The following DCHS1 variants were observed in gnomAD, a reference collection of about 807,000 sequenced individuals.
DCHS1 encodes the protein protocadherin-16.
A neutral mutation model predicts 213.9 loss-of-function variants in DCHS1; 78 were observed. That is an observed-to-expected ratio of 0.36 (90% confidence interval 0.30 to 0.44). The LOEUF is 0.44. Among genes scored for constraint, DCHS1 ranks in the 20% least tolerant of loss-of-function variants. The pLI is 1.00. For synonymous variants in DCHS1, 1,828 were observed against 1,873.7 expected, an observed-to-expected ratio of 0.98 and a Z score of 0.63; for missense variants, 3,946 against 4,395.9, an observed-to-expected ratio of 0.90 and a Z score of 2.89.
rs1484524126 is a variant in DCHS1 at position 6,633,965 on chromosome 11, T to C, written c.2042A>G (p.Asn681Ser). Reference sequence around the variant, plus strand: ...CTCCCGTGGATAAAACTGAGGAGGGTTGTCATTCTCGTCTGACAGAAACAC... The same window carrying C: ...CTCCCGTGGATAAAACTGAGGAGGGCTGTCATTCTCGTCTGACAGAAACAC... ...VKVFLSDEND[N>S]PPQFYPREYA... The change falls in exon 4 of 21, where the codon AAC (asparagine) becomes AGC (serine). Residue 681 changes from asparagine (N) to serine (S), a missense_variant. By Grantham distance (46) the Asn-to-Ser change is conservative. Coordinates refer to ENST00000299441, the MANE Select transcript of DCHS1 (RefSeq NM_003737.4). 2 of 1,613,664 alleles carry C rather than the reference T, an allele frequency of 1.2e-6. No individual in the cohort carries two copies. The highest frequency in any genetic ancestry group is 1.1e-5 in the South Asian group (1 of 91,072).
chr11:6,641,301 G>A lies in DCHS1; in HGVS notation c.313C>T (p.Arg105Cys), dbSNP rs143832439. 6.3e-5 allele frequency: 101 copies of A among 1,613,696 alleles called. No individual in the cohort carries two copies. The highest frequency in any genetic ancestry group is 4.9e-4 in the East Asian group (22 of 44,880). ...TCCCGCTGCTCACGGTCCAAGACACGGGCTGTACGGACGACCCCACTGTGT... is the reference window on the plus strand; with the variant it reads ...TCCCGCTGCTCACGGTCCAAGACACAGGCTGTACGGACGACCCCACTGTGT... ...DEHSGVVRTA[R>C]VLDREQRDRY... Residue 105 changes from arginine (R) to cysteine (C), a missense_variant, in exon 2 of 21, where the codon CGT becomes TGT. By Grantham distance (180) the Arg-to-Cys change is radical. This residue lies in a region of DCHS1 where 3,384 missense variants were observed against 3,780.1 expected (regional missense o/e 0.90). Transcript: ENST00000299441. This position sits in a 1 kb window ranked among gnomAD's most constrained non-coding sequence, Gnocchi z 7.1.
In DCHS1 at chr11:6,627,936, T is replaced by C. The variant is rs561920072; in HGVS notation, c.5372-269A>G. On this transcript the variant is annotated intron_variant, in intron 13 of 20. Transcript: ENST00000299441. The surrounding 1 kb of genome is among the most constrained non-coding windows in gnomAD (Gnocchi z 5.4). ...AGCACTACTAAGCCATTATATGGCC[T>C]TTTTATTCTCATCTCACAGATGTAC... Among the ~76,000 whole-genome samples, 2 of 152,374 alleles carry C rather than the reference T, an allele frequency of 1.3e-5. No homozygotes were observed. The highest frequency in any genetic ancestry group is 6.5e-5 in the Admixed American group (1 of 15,306).
At chr11:6,635,872 A>G (rs1855979408) in intron 2 of DCHS1, among the ~76,000 whole-genome samples, 1 of 152,220 alleles carries the variant, frequency 6.6e-6, no homozygotes, top group African/African-American at 2.4e-5. Flanking sequence ...GGAAATGAGC[A>G]AGGCAGAAGT....
chr11:6,648,084 G>A (rs755855115), intron 1 of DCHS1, among the ~76,000 whole-genome samples: 1 of 152,200 alleles, frequency 6.6e-6, no homozygotes, highest in Non-Finnish European at 1.5e-5. Context: ...AGCCATTTTG[G>A]GGGGTGACTG....
At position 6,622,696 on chromosome 11, in the gene DCHS1, G is replaced by T. The variant is rs777372556; in HGVS notation, c.8980C>A (p.Pro2994Thr). The T allele has an allele frequency of 5.7e-6, 9 of 1,592,480 alleles. No individual in the cohort carries two copies. In the South Asian group the frequency reaches 9.1e-5, roughly 16 times the overall value. ...AGGTGCTCAGAGGGTGGTGGACTAG[G>T]TGGCTCCCGGCCCAGTTTCTGCAGT... ...DSLQKLGREP[P>T]SPPPSEHLYH... The change falls in exon 21 of 21, where the codon CCT becomes ACT. Residue 2994 changes from proline to threonine, a missense_variant. Around this residue, in one of 3 missense-constraint regions of DCHS1, gnomAD observed 554 missense variants for 590.2 expected, o/e 0.94. Coordinates refer to ENST00000299441, the MANE Select transcript of DCHS1 (RefSeq NM_003737.4). The surrounding 1 kb of genome is among the most constrained non-coding windows in gnomAD (Gnocchi z 5.4).
chr11:6,633,601 C>G lies in DCHS1; in HGVS notation c.2266G>C (p.Val756Leu), dbSNP rs747279643. The G allele has an allele frequency of 3.1e-6, 5 of 1,599,014 alleles. No homozygotes were observed. Among genetic ancestry groups the G allele is most frequent in the African/African-American group, 2.7e-5 (2 of 74,488 alleles). ...WPLARRANSV[V>L]QLEIGAEDGG... ...TCCTCAGCCCCGATCTCCAGCTGCA[C>G]CACAGAATTGGCCCGTCTGGCCAAG... The change falls in exon 5 of 21, where the codon GTG (valine) becomes CTG (leucine). Residue 756 changes from valine (V) to leucine (L), a missense_variant. This residue lies in a region of DCHS1 where 3,384 missense variants were observed against 3,780.1 expected (regional missense o/e 0.90). Coordinates refer to ENST00000299441, the MANE Select transcript of DCHS1 (RefSeq NM_003737.4).
At position 6,631,133 on chromosome 11, in the gene DCHS1, G is replaced by A. The variant is rs367636038; in HGVS notation, c.3850C>T (p.Arg1284Trp). The A allele has an allele frequency of 5.0e-6, 8 of 1,613,444 alleles. No homozygotes were observed. Among genetic ancestry groups the A allele is most frequent in the Non-Finnish European group, 6.8e-6 (8 of 1,179,564 alleles). ...CTCAGTGTCAGCACATAGTGGGGCC[G>A]CTCTGCTCGGATCAGGGGAGCTGCA... Reference protein sequence around the residue: ...LTAAPLIRAERPHYVLTLSAH... With the variant: ...LTAAPLIRAEWPHYVLTLSAH... The change falls in exon 9 of 21, where the codon CGG (arginine) becomes TGG (tryptophan). Residue 1284 changes from arginine (R) to tryptophan (W), a missense_variant. Arg to Trp is a moderately radical substitution (Grantham distance 101). Coordinates refer to ENST00000299441, the MANE Select transcript of DCHS1 (RefSeq NM_003737.4).
At chr11:6,649,499 C>G (rs11040944) in intron 1 of DCHS1, among the ~76,000 whole-genome samples, 35,465 of 150,824 alleles carry the variant, frequency 0.24, 4,313 homozygotes, top group African/African-American at 0.25. Context: ...CTCCAGGAGA[C>G]AAAGAAAAAA....
chr11:6,650,911 G>T (rs961276350), intron 1 of DCHS1, among the ~76,000 whole-genome samples: 9 of 152,238 alleles, frequency 5.9e-5, no homozygotes, highest in Non-Finnish European at 1.2e-4. Context: ...AATTGTAGGT[G>T]AGGGGAGTGG....
In DCHS1 at chr11:6,622,542, C is replaced by T. The variant is rs779259422; in HGVS notation, c.9134G>A (p.Arg3045His). 3.2e-6 allele frequency: 5 copies of T among 1,580,328 alleles called. No individual in the cohort carries two copies. Among genetic ancestry groups the T allele is most frequent in the African/African-American group, 1.3e-5 (1 of 74,310 alleles). The part of the protein sequence containing the change: ...SAEAAEDDEI[R>H]MINEFPRVAS... ...CACACGGGGGAACTCATTGATCATG[C>T]GGATCTCATCATCCTCTGCAGCCTC... is the stretch of plus-strand genomic sequence containing the variant. Residue 3045 changes from arginine to histidine, a missense_variant, in exon 21 of 21, where the codon CGC (arginine) becomes CAC (histidine). By Grantham distance (29) the Arg-to-His change is conservative (BLOSUM62 0). Transcript: ENST00000299441. This position sits in a 1 kb window ranked among gnomAD's most constrained non-coding sequence, Gnocchi z 5.4.
Position 6,633,486 on chromosome 11 carries a change from T to C in DCHS1, c.2381A>G (p.Gln794Arg), listed in dbSNP as rs1462055820. ...TPTPPIFEQL[Q>R]YVFSVPEDVA... is the part of the protein sequence containing the mutation. ...ATCCTCTGGCACAGAAAAAACATACTGTAGTTGCTCAAATATGGGTGGTGT... is the reference window on the plus strand; with the variant it reads ...ATCCTCTGGCACAGAAAAAACATACCGTAGTTGCTCAAATATGGGTGGTGT... The change falls in exon 5 of 21, where the codon CAG (glutamine) becomes CGG (arginine). Residue 794 changes from glutamine (Q) to arginine (R), a missense_variant. Gln to Arg is a conservative substitution (Grantham distance 43). Transcript: ENST00000299441. 1.3e-6 allele frequency: 2 copies of C among 1,579,446 alleles called. No individual in the cohort carries two copies. The highest frequency in any genetic ancestry group is 1.8e-5 in the Admixed American group (1 of 54,754).
At position 6,640,508 on chromosome 11, in the gene DCHS1, G is replaced by T; in HGVS notation, c.1106C>A (p.Ala369Glu). Residue 369 changes from alanine to glutamate, a missense_variant, in exon 2 of 21, where the codon GCA becomes GAA. Coordinates refer to ENST00000299441, the MANE Select transcript of DCHS1 (RefSeq NM_003737.4). This position sits in a 1 kb window ranked among gnomAD's most constrained non-coding sequence, Gnocchi z 6.5. ...CTCAGACACTTGGGGGGAGCCATCT[G>T]CACTGAGAAAGATGACAGTCATGGA... ...QPSMTVIFLS[A>E]DGSPQVSEAA... is the part of the protein sequence containing the mutation. The T allele has an allele frequency of 6.2e-7, 1 of 1,612,844 alleles. No individual in the cohort carries two copies. Among genetic ancestry groups the T allele is most frequent in the Non-Finnish European group, 8.5e-7 (1 of 1,179,866 alleles).
chr11:6,651,785 A>C (rs1318120762), intron 1 of DCHS1, among the ~76,000 whole-genome samples: 4 of 152,208 alleles, frequency 2.6e-5, no homozygotes, highest in Admixed American at 2.6e-4. Flanking sequence ...GAATGGTGAC[A>C]GTTAATTTCT....
rs753052073 is a variant in DCHS1, at chr11:6,627,034, C to T, written c.6005G>A (p.Arg2002Gln). Residue 2002 changes from arginine to glutamine, a missense_variant, in exon 14 of 21, where the codon CGG (arginine) becomes CAG (glutamine). This residue lies in a region of DCHS1 where 3,384 missense variants were observed against 3,780.1 expected (regional missense o/e 0.90). Transcript: ENST00000299441. The surrounding 1 kb of genome is among the most constrained non-coding windows in gnomAD (Gnocchi z 5.4). ...DAGANASILY[R>Q]LAGTPPPGTT... is the part of the protein sequence containing the mutation. ...GCCAGGAGGTGGTGTGCCTGCCAGC[C>T]GGTACAGAATGGAAGCATTGGCACC... The T allele has an allele frequency of 9.9e-6, 16 of 1,613,510 alleles. No homozygotes were observed. The highest frequency in any genetic ancestry group is 1.6e-4 in the Middle Eastern group (1 of 6,084).
chr11:6,641,353 G>C lies in DCHS1; in HGVS notation c.261C>G (p.Gly87=), dbSNP rs771079226. The change falls in exon 2 of 21, where the codon GGC becomes GGG. Residue 87 remains glycine, a synonymous_variant. Transcript: ENST00000299441. The surrounding 1 kb of genome is among the most constrained non-coding windows in gnomAD (Gnocchi z 7.1). ...CGTCAATGGCCAGGTCTGTGCCCACGCCGCTGCCCTCTTGGGCAGAGATGA... is the reference window on the plus strand; with the variant it reads ...CGTCAATGGCCAGGTCTGTGCCCACCCCGCTGCCCTCTTGGGCAGAGATGA... ...MYFISAQEGS[G]VGTDLAIDEH... 1.2e-6 allele frequency: 2 copies of C among 1,613,526 alleles called. No homozygotes were observed. The highest frequency in any genetic ancestry group is 4.5e-5 in the East Asian group (2 of 44,878).
Position 6,627,808 on chromosome 11 carries a change from A to G in DCHS1, c.5372-141T>C. 9.9e-7 allele frequency: 1 copy of G among 1,014,954 alleles called. No individual in the cohort carries two copies. Among genetic ancestry groups the G allele is most frequent in the South Asian group, 1.8e-5 (1 of 56,300 alleles). 62.9% of individuals were successfully genotyped at this position (1,014,954 alleles called of 1,614,324 possible). A position where few individuals can be genotyped will look rare whatever the true frequency, so the allele number is the denominator to read the frequency against. On this transcript the variant is annotated intron_variant, in intron 13 of 20. Coordinates refer to ENST00000299441, the MANE Select transcript of DCHS1 (RefSeq NM_003737.4). This position sits in a 1 kb window ranked among gnomAD's most constrained non-coding sequence, Gnocchi z 5.4. ...AGGAAGAAAAACAGAAACAGAAAGT[A>G]AAAGAAGATACTATAAAGCAGCTGG...
chr11:6,646,134 A>C (rs1589962936), intron 1 of DCHS1, among the ~76,000 whole-genome samples: 3 of 148,218 alleles, frequency 2.0e-5, no homozygotes, highest in South Asian at 2.2e-4. Flanking sequence ...ACACACACCC[A>C]CCCTCCACAC....
At position 6,640,349 on chromosome 11, in the gene DCHS1, T is replaced by G. The variant is rs200893325; in HGVS notation, c.1265A>C (p.Tyr422Ser). 9.9e-6 allele frequency: 16 copies of G among 1,612,698 alleles called. No homozygotes were observed. Among genetic ancestry groups the G allele is most frequent in the African/African-American group, 1.3e-5 (1 of 74,904 alleles). The change falls in exon 2 of 21, where the codon TAT becomes TCT. Residue 422 changes from tyrosine to serine, a missense_variant. Physicochemically the swap from Tyr to Ser is moderately radical, Grantham distance 144. Around this residue, in one of 3 missense-constraint regions of DCHS1, gnomAD observed 3,384 missense variants for 3,780.1 expected, o/e 0.90. Coordinates refer to ENST00000299441, the MANE Select transcript of DCHS1 (RefSeq NM_003737.4). This position sits in a 1 kb window ranked among gnomAD's most constrained non-coding sequence, Gnocchi z 6.5. ...CAGCCGCCGAGCCACACACACCAGA[T>G]AGATGACGCTGTCTTGGGTGCTTAG... ...FALSTQDSVI[Y>S]LVCVARRLDR...
chr11:6,654,852 C>T (rs1318298146), intron 1 of DCHS1, among the ~76,000 whole-genome samples: 1 of 152,058 alleles, frequency 6.6e-6, no homozygotes, highest in Non-Finnish European at 1.5e-5. Flanking sequence ...TGCTTCTAGA[C>T]CTCCCTCTCC....
Sources: allele counts gnomAD v4.1 joint callset (sites outside exome capture counted in the v4.1 genomes callset), GRCh38; gene constraint gnomAD v4.1.1; regional missense constraint gnomAD v4.1.1; non-coding constraint Gnocchi (gnomAD v3.1); transcripts MANE v1.5; gene names NCBI Gene and HGNC (gene_info 2026-07-23, HGNC 2026-07-21).